The following TLK1 variants were observed in gnomAD, a reference collection of about 807,000 sequenced individuals.
The protein encoded by TLK1 is tousled like kinase 1.
In TLK1, 24 loss-of-function variants were observed where a neutral mutation model predicts 105.3. The ratio of observed to expected loss-of-function variants is 0.23; its 90% CI spans 0.17 to 0.32. TLK1 has a LOEUF of 0.32. Among genes scored for constraint, TLK1 ranks in the 10% least tolerant of loss-of-function variants. TLK1 has a pLI of 1.00. For missense variants in TLK1, 558 were observed against 910.5 expected, an observed-to-expected ratio of 0.61 and a Z score of 4.98; for synonymous variants, 321 against 310.4, an observed-to-expected ratio of 1.03 and a Z score of -0.36.
chr2:171,212,108 G>A (rs1198400284), intron 1 of TLK1, among the ~76,000 whole-genome samples: 2 of 152,092 alleles, frequency 1.3e-5, no homozygotes, highest in African/African-American at 4.8e-5. Flanking sequence ...CCAAAGTGCT[G>A]GGATTACAGG....
intron 11 of TLK1, among the ~76,000 whole-genome samples, chr2:171,035,492 G>GT (rs1223832953): frequency 6.6e-6 from 1 of 152,136 alleles, no homozygotes; most frequent in East Asian, 1.9e-4. Context: ...TCTTTCTTTT[G>GT]TAACTTGCCC....
At chr2:171,083,067 C>T (rs1260356440) in intron 2 of TLK1, among the ~76,000 whole-genome samples, 2 of 152,118 alleles carry the variant, frequency 1.3e-5, no homozygotes, top group Non-Finnish European at 2.9e-5. Flanking sequence ...CAATAAAGTT[C>T]TGCTGTGTTT....
At chr2:171,042,644 C>T (rs970615270) in intron 11 of TLK1, among the ~76,000 whole-genome samples, 7 of 151,496 alleles carry the variant, frequency 4.6e-5, no homozygotes, top group Admixed American at 3.9e-4. Context: ...GAAATAAATG[C>T]TACAATACAT....
chr2:171,013,481 T>C (rs1230600273), intron 13 of TLK1, among the ~76,000 whole-genome samples: 1 of 151,976 alleles, frequency 6.6e-6, no homozygotes, highest in Non-Finnish European at 1.5e-5. Context: ...AAGTTTTGTA[T>C]TTTTTGTAGA....
At chr2:171,111,675 C>T (rs1690176947) in intron 2 of TLK1, among the ~76,000 whole-genome samples, 1 of 151,522 alleles carries the variant, frequency 6.6e-6, no homozygotes, top group South Asian at 2.1e-4. Flanking sequence ...ATGAACATTT[C>T]CTATCATATA....
intron 2 of TLK1, among the ~76,000 whole-genome samples, chr2:171,086,504 T>C (rs905462762): frequency 1.3e-5 from 2 of 152,184 alleles, no homozygotes; most frequent in African/African-American, 4.8e-5. Flanking sequence ...CGCATGCCTG[T>C]AATCCCAGCT....
At position 171,183,971 on chromosome 2, in the gene TLK1, T is replaced by C. The variant is rs539403645; in HGVS notation, c.-6+47174A>G. Among the ~76,000 whole-genome samples the C allele has an allele frequency of 2.6e-5, 4 of 152,258 alleles. No individual in the cohort carries two copies. The South Asian group carries it at 8.3e-4, about 32-fold the overall frequency. On this transcript the variant is annotated intron_variant, in intron 1 of 20. Transcript: ENST00000521943. Reference sequence around the variant, plus strand: ...CATAGCATAAGAGATTTTCCAGATATGGTTAGGATTGTGGAGATGAGAAGA... The same window carrying C: ...CATAGCATAAGAGATTTTCCAGATACGGTTAGGATTGTGGAGATGAGAAGA...
chr2:171,145,931 G>A (rs1691774812), intron 1 of TLK1, among the ~76,000 whole-genome samples: 1 of 152,010 alleles, frequency 6.6e-6, no homozygotes, highest in Admixed American at 6.5e-5. Flanking sequence ...TGATGGGGAA[G>A]GAGAGTGTTT....
chr2:171,117,060 T>C (rs1287358637), intron 2 of TLK1, among the ~76,000 whole-genome samples: 1 of 152,096 alleles, frequency 6.6e-6, no homozygotes, highest in African/African-American at 2.4e-5. Context: ...ATACCTAATC[T>C]TTTTGGCACC....
intron 18 of TLK1, among the ~76,000 whole-genome samples, chr2:170,999,017 T>C (rs1684222351): frequency 6.6e-6 from 1 of 152,212 alleles, no homozygotes; most frequent in Non-Finnish European, 1.5e-5. Context: ...CCTCCCACCT[T>C]GGCCTCGCAA....
chr2:171,088,663 C>T (rs1463394662), intron 2 of TLK1, among the ~76,000 whole-genome samples: 3 of 152,104 alleles, frequency 2.0e-5, no homozygotes, highest in Non-Finnish European at 4.4e-5. Context: ...TTGGAGTGTG[C>T]AACAGTAACA....
At chr2:171,222,213 C>A (rs12473405) in intron 1 of TLK1, among the ~76,000 whole-genome samples, 39,054 of 152,134 alleles carry the variant, frequency 0.26, 5,534 homozygotes, top group South Asian at 0.4. Context: ...GGGAAGACAA[C>A]CCCAGTCCCA....
At chr2:171,146,271 C>T (rs902673302) in intron 1 of TLK1, among the ~76,000 whole-genome samples, 1 of 151,844 alleles carries the variant, frequency 6.6e-6, no homozygotes, top group African/African-American at 2.4e-5. Context: ...CTGCAGTGAG[C>T]TATGATTGCG....
rs767855418 is a variant in TLK1, at chr2:171,006,504, G to A, written c.1738C>T (p.Pro580Ser). The A allele has an allele frequency of 1.2e-6, 2 of 1,611,772 alleles. No homozygotes were observed. Among genetic ancestry groups the A allele is most frequent in the Non-Finnish European group, 1.7e-6 (2 of 1,179,240 alleles). ...NALRYLNEIK[P>S]PIIHYDLKPG... ...TTAAGATCATAATGTATAATAGGGGGTTTGATCTCATTGAGATATCTTAGT... is the reference window on the plus strand; with the variant it reads ...TTAAGATCATAATGTATAATAGGGGATTTGATCTCATTGAGATATCTTAGT... Residue 580 changes from proline to serine, a missense_variant, in exon 17 of 21, where the codon CCC (proline) becomes TCC (serine). Transcript: ENST00000431350.
At chr2:171,002,564 G>A (rs980198501) in intron 18 of TLK1, among the ~76,000 whole-genome samples, 3 of 152,102 alleles carry the variant, frequency 2.0e-5, no homozygotes, top group East Asian at 1.9e-4. Context: ...GTGAGCCACC[G>A]CGCCTGGCCT....
At chr2:171,164,803 G>A (rs144171277), upstream of TLK1, among the ~76,000 whole-genome samples, 59 of 151,998 alleles carry the variant, frequency 3.9e-4, no homozygotes, top group African/African-American at 1.4e-3. Context: ...CTAGTATATG[G>A]GCATTCAAAA....
intron 1 of TLK1, among the ~76,000 whole-genome samples, chr2:171,167,116 C>G (rs1464268364): frequency 6.6e-6 from 1 of 152,188 alleles, no homozygotes; most frequent in Non-Finnish European, 1.5e-5. Context: ...CTCAGAGGGA[C>G]TTCAAAAACA....
rs1355502788 is a variant in TLK1, at chr2:171,060,472, T to C, written c.406+609A>G. 4.6e-5 allele frequency among the ~76,000 whole-genome samples: 7 copies of C among 152,320 alleles called. No individual in the cohort carries two copies. In the East Asian group the frequency reaches 7.7e-4, roughly 17 times the overall value. On this transcript the variant is annotated intron_variant, in intron 4 of 20. Coordinates refer to ENST00000431350, the MANE Select transcript of TLK1 (RefSeq NM_012290.5). ...CATGGGTTCACAGCCATAGATCTTATGGCTAAAGATTGGCTCCAACACATG... is the reference window on the plus strand; with the variant it reads ...CATGGGTTCACAGCCATAGATCTTACGGCTAAAGATTGGCTCCAACACATG...
intron 1 of TLK1, among the ~76,000 whole-genome samples, chr2:171,194,017 T>C (rs1693213349): frequency 6.6e-6 from 1 of 151,986 alleles, no homozygotes; most frequent in Admixed American, 6.6e-5. Context: ...CTGCACCCGG[T>C]CATTTTTGTT....
Sources: gnomAD v4.1 joint callset for allele counts (sites outside exome capture counted in the v4.1 genomes callset) on GRCh38, gnomAD v4.1.1 for gene constraint, MANE v1.5 for transcripts, NCBI Gene and HGNC (gene_info 2026-07-23, HGNC 2026-07-21) for gene names.